Variants in OSBPL10 observed in about 807,000 individuals in gnomAD.
OSBPL10 encodes the protein oxysterol-binding protein-related protein 10.
Under a neutral mutation model 81.7 loss-of-function variants are expected in OSBPL10, and 49 were observed. The observed-to-expected ratio is 0.60, with a 90% CI of 0.48 to 0.76. The LOEUF (loss-of-function observed/expected upper bound fraction) is 0.76. OSBPL10 is among the 30% of genes least tolerant of loss of function. OSBPL10 has a pLI of 0.00. For missense variants in OSBPL10, 923 were observed against 987.8 expected, an observed-to-expected ratio of 0.93 and a Z score of 0.88; for synonymous variants, 419 against 383.6, an observed-to-expected ratio of 1.09 and a Z score of -1.08.
intron 7 of OSBPL10, among the ~76,000 whole-genome samples, chr3:31,689,654 G>A (rs72857955): frequency 0.018 from 2,807 of 152,252 alleles, 95 homozygotes; most frequent in African/African-American, 0.064. Flanking sequence ...TTCTTGTGCT[G>A]TTCTCATTAA....
chr3:32,058,192 T>A (rs1214307289), intron 1 of OSBPL10, among the ~76,000 whole-genome samples: 1 of 152,220 alleles, frequency 6.6e-6, no homozygotes, highest in Non-Finnish European at 1.5e-5. Flanking sequence ...GATGCCCTAA[T>A]GTCTGCAACT....
intron 4 of OSBPL10, among the ~76,000 whole-genome samples, chr3:31,777,742 T>C (rs1471595598): frequency 1.3e-5 from 2 of 152,186 alleles, no homozygotes; most frequent in South Asian, 2.1e-4. Context: ...ATGTCTCCAC[T>C]GGGGAATCCA....
At chr3:31,778,379 G>C (rs531918376) in intron 4 of OSBPL10, among the ~76,000 whole-genome samples, 19 of 152,242 alleles carry the variant, frequency 1.2e-4, no homozygotes, top group African/African-American at 4.6e-4. Context: ...GCTCAGACCC[G>C]CCTAACCCTG....
chr3:31,750,664 C>T (rs1697683997), intron 4 of OSBPL10, among the ~76,000 whole-genome samples: 1 of 152,010 alleles, frequency 6.6e-6, no homozygotes, highest in African/African-American at 2.4e-5. Flanking sequence ...AAATTCCTAC[C>T]ATAAAATCCT....
chr3:31,934,497 C>T (rs1460020708), intron 1 of OSBPL10, among the ~76,000 whole-genome samples: 5 of 151,688 alleles, frequency 3.3e-5, no homozygotes, highest in African/African-American at 1.2e-4. Flanking sequence ...CAACCTCCGC[C>T]TCCCAGGTTC....
At chr3:31,989,202 G>A (rs747511742) in intron 2 of OSBPL10, 7 of 1,614,146 alleles carry the variant, frequency 4.3e-6, no homozygotes. Flanking sequence ...GGAAATGCCT[G>A]GACCCTACGC....
At chr3:32,048,677 T>C (rs1429347123) in intron 1 of OSBPL10, among the ~76,000 whole-genome samples, 1 of 152,114 alleles carries the variant, frequency 6.6e-6, no homozygotes, top group Admixed American at 6.5e-5. Context: ...CCCATCCAAC[T>C]ACCAGCTGGT....
At chr3:31,878,134 C>A (rs138174720) in intron 2 of OSBPL10, among the ~76,000 whole-genome samples, 1 of 152,200 alleles carries the variant, frequency 6.6e-6, no homozygotes, top group Non-Finnish European at 1.5e-5. Context: ...GATCATAAAA[C>A]CTCTATATTT....
chr3:31,884,117 C>T (rs143800201), intron 1 of OSBPL10, among the ~76,000 whole-genome samples: 2 of 152,208 alleles, frequency 1.3e-5, no homozygotes, highest in East Asian at 1.9e-4. Flanking sequence ...ATGAATTGAA[C>T]GCTGTTTTAT....
chr3:31,741,250 G>A (rs1448139298), intron 5 of OSBPL10, among the ~76,000 whole-genome samples: 1 of 152,182 alleles, frequency 6.6e-6, no homozygotes, highest in Non-Finnish European at 1.5e-5. Context: ...CCAGCGCCTT[G>A]GTATCTAACT....
At position 31,664,136 on chromosome 3, in the gene OSBPL10, C is replaced by T. The variant is rs1283668072; in HGVS notation, c.2193G>A (p.Glu731=). 3.0e-5 allele frequency: 49 copies of T among 1,613,810 alleles called. No homozygotes were observed. The highest frequency in any genetic ancestry group is 4.0e-5 in the Non-Finnish European group (47 of 1,180,008). Residue 731 remains glutamate, a synonymous_variant, in exon 11 of 12, where the codon GAG becomes GAA. Coordinates refer to ENST00000396556, the MANE Select transcript of OSBPL10 (RefSeq NM_017784.5). The stretch of plus-strand genomic sequence containing the variant: ...TGCGGAGGTTCTCGCGCTTCCGTTC[C>T]TCCACCCGTTGCTTCTCCTCCAGGT... The part of the protein sequence containing the change: ...KRHLEEKQRV[E]ERKRENLRTP...
chr3:31,910,180 C>T (rs1376828366), intron 1 of OSBPL10, among the ~76,000 whole-genome samples: 3 of 151,428 alleles, frequency 2.0e-5, no homozygotes. Flanking sequence ...AGGGTTTCAC[C>T]ATGTTGGCCA....
At chr3:31,909,621 G>A (rs574777502) in intron 1 of OSBPL10, among the ~76,000 whole-genome samples, 3 of 152,222 alleles carry the variant, frequency 2.0e-5, no homozygotes, top group African/African-American at 7.2e-5. Context: ...AACTCACCAA[G>A]TCAGTACGGC....
chr3:32,050,654 C>T (rs918178013), intron 1 of OSBPL10, among the ~76,000 whole-genome samples: 4 of 119,706 alleles, frequency 3.3e-5, no homozygotes, highest in African/African-American at 1.1e-4. Flanking sequence ...ATAAGAGATA[C>T]AAAAGGATTT....
intron 3 of OSBPL10, among the ~76,000 whole-genome samples, chr3:31,866,781 T>C (rs772813382): frequency 1.6e-4 from 24 of 152,076 alleles, no homozygotes; most frequent in Non-Finnish European, 2.9e-4. Context: ...GGGCTCTTAC[T>C]ACCACAAGGC....
chr3:31,947,484 T>C (rs1441232257), intron 1 of OSBPL10, among the ~76,000 whole-genome samples: 1 of 152,160 alleles, frequency 6.6e-6, no homozygotes, highest in African/African-American at 2.4e-5. Flanking sequence ...AAATTACCAA[T>C]GGCAGATCTT....
chr3:31,837,885 G>C (rs1012264274), intron 3 of OSBPL10, among the ~76,000 whole-genome samples: 1 of 152,000 alleles, frequency 6.6e-6, no homozygotes, highest in Non-Finnish European at 1.5e-5. Flanking sequence ...ATGCAGAATT[G>C]AGAAAATGGA....
intron 4 of OSBPL10, among the ~76,000 whole-genome samples, chr3:31,793,959 G>A (rs1268076818): frequency 6.6e-6 from 1 of 152,202 alleles, no homozygotes; most frequent in Non-Finnish European, 1.5e-5. Flanking sequence ...AAGTAATCTA[G>A]AGATGAGAGT....
intron 2 of OSBPL10, among the ~76,000 whole-genome samples, chr3:32,024,279 G>GCC (rs1699383371): frequency 6.6e-6 from 1 of 152,066 alleles, no homozygotes; most frequent in East Asian, 1.9e-4. Context: ...GAATTCTGTT[G>GCC]AATGTAAATC....
Sources: gnomAD v4.1 joint callset for allele counts (sites outside exome capture counted in the v4.1 genomes callset) on GRCh38, gnomAD v4.1.1 for gene constraint, MANE v1.5 for transcripts, NCBI Gene and HGNC (gene_info 2026-07-23, HGNC 2026-07-21) for gene names.